TLN2: variants seen among roughly 807,000 people sequenced by gnomAD.
TLN2 encodes talin 2.
A neutral mutation model predicts 294.7 loss-of-function variants in TLN2; 118 were observed. The ratio of observed to expected loss-of-function variants is 0.40; its 90% CI spans 0.34 to 0.47. The LOEUF (loss-of-function observed/expected upper bound fraction) is 0.47. Among genes scored for constraint, TLN2 ranks in the 20% least tolerant of loss-of-function variants. The pLI, the probability that TLN2 is intolerant of heterozygous loss-of-function variation, is 0.84. For synonymous variants in TLN2, 1,431 were observed against 1,304.5 expected (o/e 1.10, Z -2.09); for missense variants, 3,083 against 3,282.2 (o/e 0.94, Z 1.48).
chr15:62,446,684 C>G (rs1033320534), intron 1 of TLN2, among the ~76,000 whole-genome samples: 1 of 151,808 alleles, frequency 6.6e-6, no homozygotes, highest in Non-Finnish European at 1.5e-5. Flanking sequence ...TTTTTGTATT[C>G]TAAGACACAT....
chr15:62,704,615 A>C (rs1223661103), intron 19 of TLN2, among the ~76,000 whole-genome samples: 1 of 152,226 alleles, frequency 6.6e-6, no homozygotes, highest in Non-Finnish European at 1.5e-5. Context: ...AAGACATTCA[A>C]TGTACAGACA....
intron 1 of TLN2, among the ~76,000 whole-genome samples, chr15:62,401,495 T>C (rs74805113): frequency 0.011 from 1,671 of 152,278 alleles, 40 homozygotes; most frequent in African/African-American, 0.038. Flanking sequence ...TAAGTGGCGC[T>C]TTGCAGGATG....
At chr15:62,591,226 G>T (rs977634008) in intron 2 of TLN2, among the ~76,000 whole-genome samples, 2 of 152,180 alleles carry the variant, frequency 1.3e-5, no homozygotes, top group African/African-American at 4.8e-5. Context: ...TTATGAAAAT[G>T]CTGTTTATTT....
intron 3 of TLN2, among the ~76,000 whole-genome samples, chr15:62,641,740 T>C (rs985521347): frequency 2.6e-5 from 4 of 152,154 alleles, no homozygotes; most frequent in African/African-American, 9.7e-5. Context: ...TATCTCCCAT[T>C]TTGTAGAGGA....
intron 54 of TLN2, among the ~76,000 whole-genome samples, chr15:62,825,882 A>ATATATAT (rs1428514657): frequency 8.9e-6 from 1 of 111,984 alleles, no homozygotes; most frequent in Admixed American, 1.2e-4. Flanking sequence ...ATATATATAT[A>ATATATAT]ATAAGTCAGG....
chr15:62,653,126 AT>A (rs1481037213), intron 6 of TLN2, 35 bp from the exon 7 acceptor site: 1 of 1,489,090 alleles, frequency 6.7e-7, no homozygotes, highest in Non-Finnish European at 9.0e-7. Flanking sequence ...CAGCAGTTTA[AT>A]TATTTATAAT....
intron 1 of TLN2, among the ~76,000 whole-genome samples, chr15:62,521,740 A>G (rs536301800): frequency 4.3e-4 from 65 of 152,310 alleles, no homozygotes; most frequent in Admixed American, 3.1e-3. Context: ...GCCTGGCTGC[A>G]TTAATGGAGA....
intron 45 of TLN2, among the ~76,000 whole-genome samples, chr15:62,787,686 T>C (rs1321651132): frequency 2.9e-5 from 4 of 138,730 alleles, no homozygotes; most frequent in East Asian, 4.4e-4. Flanking sequence ...ATTTTTAAAC[T>C]CCTTATCTTT....
chr15:62,525,898 T>A (rs1313271767), intron 1 of TLN2, among the ~76,000 whole-genome samples: 1 of 152,072 alleles, frequency 6.6e-6, no homozygotes, highest in South Asian at 2.1e-4. Flanking sequence ...CTCTTGGCAG[T>A]GTGCTGTGGG....
rs1322963977 is a variant in TLN2 at position 62,716,451 on chromosome 15, C to A, written c.2755C>A (p.Arg919=). Residue 919 remains arginine (R), a synonymous_variant, in exon 23 of 59, where the codon CGA becomes AGA. Coordinates refer to ENST00000636159, the MANE Select transcript of TLN2 (RefSeq NM_015059.3). ...QNAIKKKIVN[R]LEVAAKQAAA... is the part of the protein sequence containing the mutation. The stretch of plus-strand genomic sequence containing the variant: ...TGCTATTAAGAAAAAAATTGTCAAC[C>A]GACTGGAGGTAAGGAAAGAGGCTGC... 6.2e-7 allele frequency: 1 copy of A among 1,601,040 alleles called. No homozygotes were observed. The highest frequency in any genetic ancestry group is 2.3e-5 in the East Asian group (1 of 44,046).
chr15:62,640,018 G>A (rs2050833195), intron 3 of TLN2: 4 of 393,532 alleles, frequency 1.0e-5, no homozygotes, highest in South Asian at 5.7e-5. Flanking sequence ...CCTGCTCAGT[G>A]CCTGGAGTCT....
chr15:62,751,421 G>A (rs2061935223), intron 34 of TLN2, among the ~76,000 whole-genome samples: 1 of 152,334 alleles, frequency 6.6e-6, no homozygotes, highest in African/African-American at 2.4e-5. Context: ...AGGGAAAGAT[G>A]CATACACACT....
At chr15:62,701,362 G>A (rs2058710444) in intron 17 of TLN2, 148 bp downstream of exon 17, 8 of 682,606 alleles carry the variant, frequency 1.2e-5, no homozygotes, top group Admixed American at 9.2e-5. Context: ...AGTGCTGTAG[G>A]CATTTTCTCC....
chr15:62,503,068 A>G lies in TLN2; in HGVS notation c.-237-86619A>G, dbSNP rs535071351. ...CCTTATGGCCTGGCCACTCTGAGTC[A>G]TAGTGCCTATGTTTGTGTGGCCAGA... is the stretch of plus-strand genomic sequence containing the variant. On this transcript the variant is annotated intron_variant, in intron 1 of 58. Coordinates refer to ENST00000636159, the MANE Select transcript of TLN2 (RefSeq NM_015059.3). Among the ~76,000 whole-genome samples the G allele has an allele frequency of 2.4e-4, 37 of 152,010 alleles. 1 individual carries two copies. The highest frequency in any genetic ancestry group is 1.0e-3 in the South Asian group (5 of 4,792).
chr15:62,742,538 C>G (rs1460319069), intron 32 of TLN2, among the ~76,000 whole-genome samples: 1 of 152,028 alleles, frequency 6.6e-6, no homozygotes, highest in Non-Finnish European at 1.5e-5. Context: ...TAGAAGGAAA[C>G]AGAGCCGGAA....
intron 36 of TLN2, 143 bp downstream of exon 36, chr15:62,754,059 C>A: frequency 8.6e-7 from 1 of 1,161,050 alleles, no homozygotes; most frequent in Non-Finnish European, 1.1e-6. Context: ...TAGATAATGA[C>A]TCAGGTGGGA....
chr15:62,761,758 G>C lies in TLN2; in HGVS notation c.4716G>C (p.Glu1572Asp). 1 of 1,614,166 alleles carries C rather than the reference G, an allele frequency of 6.2e-7. No homozygotes were observed. The highest frequency in any genetic ancestry group is 1.3e-5 in the African/African-American group (1 of 75,040). Reference sequence around the variant, plus strand: ...CCGCACCCTTGATTGAAGCTGTGGAGAACCTGACAGCGTTCGCCTCAAACC... The same window carrying C: ...CCGCACCCTTGATTGAAGCTGTGGACAACCTGACAGCGTTCGCCTCAAACC... ...IATAPLIEAV[E>D]NLTAFASNPE... The change falls in exon 38 of 59, where the codon GAG becomes GAC. Residue 1572 changes from glutamate to aspartate, a missense_variant. Physicochemically the swap from Glu to Asp is conservative, Grantham distance 45. Transcript: ENST00000636159.
At chr15:62,788,604 T>TA (rs1471963961) in intron 45 of TLN2, among the ~76,000 whole-genome samples, 3 of 152,328 alleles carry the variant, frequency 2.0e-5, no homozygotes, top group South Asian at 2.1e-4. Flanking sequence ...GGAACTTAGT[T>TA]AAACTGCCCA....
At chr15:62,494,944 G>A (rs925215884) in intron 1 of TLN2, among the ~76,000 whole-genome samples, 5 of 152,034 alleles carry the variant, frequency 3.3e-5, no homozygotes, top group South Asian at 2.1e-4. Flanking sequence ...CTCTGTTCCC[G>A]GAACACTGTT....
Sources: gnomAD v4.1 joint callset for allele counts (sites outside exome capture counted in the v4.1 genomes callset) on GRCh38, gnomAD v4.1.1 for gene constraint, MANE v1.5 for transcripts, NCBI Gene and HGNC (gene_info 2026-07-23, HGNC 2026-07-21) for gene names.